The following SERP2 variants were observed in gnomAD, a reference collection of about 807,000 sequenced individuals.
The protein encoded by SERP2 is stress associated endoplasmic reticulum protein family member 2.
A neutral mutation model predicts 9.1 loss-of-function variants in SERP2; 6 were observed. The observed-to-expected ratio is 0.66, with a 90% confidence interval of 0.36 to 1.30. The LOEUF (loss-of-function observed/expected upper bound fraction) is 1.30, where lower values mean the gene tolerates loss of function less well. SERP2 is among the 50% of genes most tolerant of loss of function. The pLI is 0.03. For synonymous variants in SERP2, 37 were observed against 27.3 expected (o/e 1.35, Z -1.10); for missense variants, 58 against 81.9 (o/e 0.71, Z 1.13).
intron 2 of SERP2, among the ~76,000 whole-genome samples, chr13:44,388,041 C>T (rs2138790808): frequency 6.6e-6 from 1 of 152,264 alleles, no homozygotes; most frequent in Non-Finnish European, 1.5e-5. Flanking sequence ...ATTTTCTTCA[C>T]TGTTTCCTAT....
chr13:44,374,192 A>G lies in SERP2; in HGVS notation c.84+83A>G, dbSNP rs1871494755. On this transcript the variant is annotated intron_variant, in intron 1 of 2. Transcript: ENST00000379179. ...AAGGTGGGGGCGGGGCCGGGCGGGTAGCGGCGCAGGGTCCGGCCTCCCGGC... is the reference window on the plus strand; with the variant it reads ...AAGGTGGGGGCGGGGCCGGGCGGGTGGCGGCGCAGGGTCCGGCCTCCCGGC... The G allele has an allele frequency of 2.2e-6, 2 of 903,296 alleles. 1 individual carries two copies. The highest frequency in any genetic ancestry group is 3.1e-6 in the Non-Finnish European group (2 of 649,084). 56.0% of individuals were successfully genotyped at this position (903,296 alleles called of 1,614,324 possible).
At chr13:44,375,322 C>A (rs1871589204) in intron 1 of SERP2, among the ~76,000 whole-genome samples, 1 of 152,062 alleles carries the variant, frequency 6.6e-6, no homozygotes, top group Admixed American at 6.5e-5. Flanking sequence ...AAACTCAACT[C>A]TACTCAGAGC....
At chr13:44,385,360 G>A (rs900648448) in intron 2 of SERP2, among the ~76,000 whole-genome samples, 1 of 152,178 alleles carries the variant, frequency 6.6e-6, no homozygotes, top group Non-Finnish European at 1.5e-5. Context: ...GCATAAACAC[G>A]CACTCAGGGA....
chr13:44,394,945 T>G (rs1295712163), intron 2 of SERP2, among the ~76,000 whole-genome samples: 5 of 152,234 alleles, frequency 3.3e-5, no homozygotes, highest in Admixed American at 2.0e-4. Context: ...GATCCTCATT[T>G]TACAGAACAG....
intron 2 of SERP2, chr13:44,390,576 A>G: frequency 2.6e-6 from 1 of 379,452 alleles, no homozygotes; most frequent in Non-Finnish European, 5.3e-6. Flanking sequence ...CAGCTCCCTT[A>G]AGGTGACCTG....
intron 2 of SERP2, among the ~76,000 whole-genome samples, chr13:44,389,600 T>C (rs1872517457): frequency 6.6e-6 from 1 of 152,166 alleles, no homozygotes. Context: ...TTCGTAGCTT[T>C]GCTTTTTGAT....
chr13:44,395,453 A>T (rs1390068801), intron 2 of SERP2, among the ~76,000 whole-genome samples: 3 of 151,774 alleles, frequency 2.0e-5, no homozygotes, highest in Non-Finnish European at 4.4e-5. Context: ...AAATACAAAA[A>T]ATTAGCCGGG....
intron 1 of SERP2, among the ~76,000 whole-genome samples, chr13:44,378,605 C>T (rs1259969805): frequency 3.9e-5 from 6 of 152,014 alleles, no homozygotes; most frequent in African/African-American, 1.2e-4. Context: ...AATTCTTTAA[C>T]GTGTGTTGAA....
At chr13:44,391,628 G>A (rs1484228377) in intron 2 of SERP2, among the ~76,000 whole-genome samples, 2 of 152,204 alleles carry the variant, frequency 1.3e-5, no homozygotes, top group African/African-American at 4.8e-5. Flanking sequence ...TGTACTCTCA[G>A]GTAAGTGGTT....
intron 2 of SERP2, chr13:44,396,187 G>T (rs911655736): frequency 5.9e-6 from 1 of 170,716 alleles, no homozygotes; most frequent in African/African-American, 2.4e-5. Flanking sequence ...ATTCCCCAAG[G>T]CCCTGTCCAT....
At position 44,397,677 on chromosome 13, in the gene SERP2, G is replaced by T. The variant is rs9595113; in HGVS notation, c.*365G>T. On this transcript the variant is annotated 3_prime_UTR_variant, in exon 3 of 3. Transcript: ENST00000379179. ...ATGGATACAATCTCTCCTCCATTGA[G>T]AATTGATTTTACAAATAAATGTCTT... The T allele has an allele frequency of 1.0e-5, 3 of 292,140 alleles. No homozygotes were observed. Among genetic ancestry groups the T allele is most frequent in the Non-Finnish European group, 1.3e-5 (2 of 153,938 alleles). The allele number at this position is 292,140 out of a possible 1,614,324, so 18.1% of individuals were successfully genotyped here.
At chr13:44,396,513 T>C (rs1873114792) in intron 2 of SERP2, among the ~76,000 whole-genome samples, 4 of 151,716 alleles carry the variant, frequency 2.6e-5, no homozygotes. Flanking sequence ...CTGACCACGG[T>C]TGCTCACTGG....
At chr13:44,395,726 G>T (rs1424751020) in intron 2 of SERP2, 10 of 442,628 alleles carry the variant, frequency 2.3e-5, no homozygotes, top group Non-Finnish European at 4.1e-5. Context: ...ATCTACAGAT[G>T]AGTCCCTGAC....
At chr13:44,383,855 A>G (rs1872166684) in intron 2 of SERP2, among the ~76,000 whole-genome samples, 2 of 151,820 alleles carry the variant, frequency 1.3e-5, no homozygotes, top group Admixed American at 1.3e-4. Flanking sequence ...TCGGCCACCC[A>G]GGGCTCTTTC....
intron 2 of SERP2, among the ~76,000 whole-genome samples, chr13:44,387,565 GA>G (rs1303402681): frequency 6.6e-6 from 1 of 152,120 alleles, no homozygotes; most frequent in Non-Finnish European, 1.5e-5. Flanking sequence ...TACCTGTTTG[GA>G]TAATTTTATT....
At chr13:44,385,419 G>A (rs955104385) in intron 2 of SERP2, among the ~76,000 whole-genome samples, 1 of 152,214 alleles carries the variant, frequency 6.6e-6, no homozygotes, top group Non-Finnish European at 1.5e-5. Flanking sequence ...ACCTCCCGGG[G>A]CTGCCCCACG....
chr13:44,395,779 AAC>A (rs1479793976), intron 2 of SERP2: 6 of 456,736 alleles, frequency 1.3e-5, no homozygotes, highest in Admixed American at 4.7e-5. Flanking sequence ...TCGTAATTCT[AAC>A]AGTTTCTGTT....
chr13:44,374,159 T>TGG, intron 1 of SERP2, 50 bp downstream of exon 1: 2 of 597,380 alleles, frequency 3.3e-6, no homozygotes, highest in Non-Finnish European at 5.3e-6. Flanking sequence ...CCCGGCGGGG[T>TGG]GGGGCGGAAG....
At chr13:44,394,222 C>G (rs1279736109) in intron 2 of SERP2, among the ~76,000 whole-genome samples, 2 of 152,176 alleles carry the variant, frequency 1.3e-5, no homozygotes, top group Admixed American at 6.5e-5. Flanking sequence ...ACTGCAACCT[C>G]CACCTCCCAG....
Sources: allele counts gnomAD v4.1 joint callset (sites outside exome capture counted in the v4.1 genomes callset), GRCh38; gene constraint gnomAD v4.1.1; transcripts MANE v1.5; gene names NCBI Gene and HGNC (gene_info 2026-07-23, HGNC 2026-07-21).